DIDO1: variants seen among roughly 807,000 people sequenced by gnomAD.
DIDO1 encodes the protein death-inducer obliterator 1.
A neutral mutation model predicts 99.4 loss-of-function variants in DIDO1; 16 were observed. The observed-to-expected ratio is 0.16, with a 90% CI of 0.11 to 0.24. The LOEUF (loss-of-function observed/expected upper bound fraction) is 0.24. Among genes scored for constraint, DIDO1 ranks in the 10% least tolerant of loss-of-function variants. DIDO1 has a pLI of 1.00. For synonymous variants in DIDO1, 1,366 were observed against 1,239.1 expected, an observed-to-expected ratio of 1.10 and a Z score of -2.15; for missense variants, 2,996 against 3,014.0, an observed-to-expected ratio of 0.99 and a Z score of 0.14.
chr20:62,879,382 ACCGGTCCCGGTCGCGCCT>A lies in DIDO1; in HGVS notation c.6556_6573del (p.Arg2186_Arg2191del), dbSNP rs1195385320. The A allele has an allele frequency of 3.2e-6, 5 of 1,540,998 alleles. No individual in the cohort carries two copies. The highest frequency in any genetic ancestry group is 3.5e-6 in the Non-Finnish European group (4 of 1,146,610). On this transcript the variant is annotated inframe_deletion, in exon 16 of 16. Transcript: ENST00000395343. The surrounding 1 kb of genome is among the most constrained non-coding windows in gnomAD (Gnocchi z 6.3). ...TCTCGGTCCCGCTCTCTGCTCCGGG[ACCGGTCCCGGTCGCGCCT>A]CCGGTCTCGCTCGCGCTCTCGGTTC...
intron 15 of DIDO1, among the ~76,000 whole-genome samples, chr20:62,884,176 C>G (rs899325072): frequency 2.7e-5 from 4 of 150,218 alleles, no homozygotes; most frequent in Admixed American, 6.8e-5. Context: ...ACGACGCGCA[C>G]TGGGGGTTTT....
chr20:62,929,693 G>GTATATATATATATA (rs565069048), upstream of DIDO1, among the ~76,000 whole-genome samples: 1,101 of 97,820 alleles, frequency 0.011, 138 homozygotes, highest in Middle Eastern at 0.023. Flanking sequence ...AAAAGAAAAA[G>GTATATATATATATA]TGTATATATA....
At chr20:62,914,516 T>C (rs566923462) in intron 1 of DIDO1, 110 bp from the exon 2 acceptor site, 2 of 152,366 alleles carry the variant, frequency 1.3e-5, no homozygotes, top group South Asian at 4.1e-4. Flanking sequence ...AGTGATACTG[T>C]GTGACCCACA....
chr20:62,923,537 G>C (rs1449760514), intron 1 of DIDO1, among the ~76,000 whole-genome samples: 1 of 152,184 alleles, frequency 6.6e-6, no homozygotes, highest in African/African-American at 2.4e-5. Context: ...CCTGGCACCT[G>C]AGTGAGAGCC....
chr20:62,929,692 A>AAAAAAAAAAT, upstream of DIDO1, among the ~76,000 whole-genome samples: 1 of 63,710 alleles, frequency 1.6e-5, no homozygotes, highest in African/African-American at 7.6e-5. Context: ...AAAAAGAAAA[A>AAAAAAAAAAT]GTGTATATAT....
In DIDO1 at chr20:62,879,597, C is replaced by A. The variant is rs370073797; in HGVS notation, c.6359G>T (p.Gly2120Val). 30 of 1,602,406 alleles carry A rather than the reference C, an allele frequency of 1.9e-5. No homozygotes were observed. Among genetic ancestry groups the A allele is most frequent in the Non-Finnish European group, 2.5e-5 (30 of 1,179,334 alleles). ...SEDRRRERER[G>V]RNWSRERDWD... ...GTCCCGCTCTCGGCTCCAGTTTCGG[C>A]CGCGCTCGCGCTCTCTCCTCCTGTC... Residue 2120 changes from glycine (G) to valine (V), a missense_variant, in exon 16 of 16, where the codon GGC becomes GTC. Transcript: ENST00000395343. The surrounding 1 kb of genome is among the most constrained non-coding windows in gnomAD (Gnocchi z 6.3).
At chr20:62,892,110 A>C (rs1267479084) in intron 13 of DIDO1, 34 bp from the exon 14 acceptor site, 1 of 1,585,204 alleles carries the variant, frequency 6.3e-7, no homozygotes, top group East Asian at 2.2e-5. Context: ...AATCACTTTG[A>C]ACTGTAGTAG....
At position 62,881,305 on chromosome 20, in the gene DIDO1, CG is replaced by C; in HGVS notation, c.4650del (p.Ala1551ProfsTer313). ...TCCCTGTGGTTTGACGCCTGGCTGG[CG>C]GGGGGCAGTGAGGCGGGCTTGTCTG... ...QSADKPASLP[P>X]ASQASNHRDP... On this transcript the variant is annotated frameshift_variant, in exon 16 of 16. Transcript: ENST00000395343. LOFTEE classifies it low-confidence loss of function (END_TRUNC). This position sits in a 1 kb window ranked among gnomAD's most constrained non-coding sequence, Gnocchi z 8.3. 2 of 1,604,714 alleles carry C rather than the reference CG, an allele frequency of 1.2e-6. No individual in the cohort carries two copies.
At chr20:62,914,140 A>G (rs149366204) in intron 2 of DIDO1, 70 bp downstream of exon 2, 3 of 152,358 alleles carry the variant, frequency 2.0e-5, no homozygotes, top group African/African-American at 7.2e-5. Flanking sequence ...TACAAATGCC[A>G]CTTTATAAAT....
chr20:62,920,552 T>A (rs948291198), intron 1 of DIDO1, among the ~76,000 whole-genome samples: 1 of 152,248 alleles, frequency 6.6e-6, no homozygotes, highest in Admixed American at 6.5e-5. Context: ...ACACAGCTTA[T>A]CTTCCTAAAA....
intron 6 of DIDO1, among the ~76,000 whole-genome samples, chr20:62,903,307 C>T (rs2064725255): frequency 6.6e-6 from 1 of 152,212 alleles, no homozygotes; most frequent in Non-Finnish European, 1.5e-5. Context: ...CCCAGGTCAA[C>T]CGAGTGCCAT....
chr20:62,897,599 C>T (rs2064565892), intron 6 of DIDO1, among the ~76,000 whole-genome samples: 1 of 152,190 alleles, frequency 6.6e-6, no homozygotes, highest in African/African-American at 2.4e-5. Context: ...GAGAACGCAG[C>T]AATGCTGTTA....
At chr20:62,899,728 G>A (rs1488562717) in intron 6 of DIDO1, among the ~76,000 whole-genome samples, 1 of 152,206 alleles carries the variant, frequency 6.6e-6, no homozygotes, top group Non-Finnish European at 1.5e-5. Context: ...GCATGGAAAT[G>A]GGCAGTCAGG....
intron 1 of DIDO1, among the ~76,000 whole-genome samples, chr20:62,925,999 G>A (rs568472426): frequency 1.9e-3 from 283 of 152,196 alleles, no homozygotes; most frequent in African/African-American, 6.5e-3. Context: ...GGGAGGAAGC[G>A]CCGAGGTCCC....
At chr20:62,889,756 A>C (rs1191541338) in intron 15 of DIDO1, 15 of 985,272 alleles carry the variant, frequency 1.5e-5, no homozygotes, top group Non-Finnish European at 1.8e-5. Flanking sequence ...TCTTTATCCC[A>C]AGTAGGATTT....
chr20:62,927,872 T>G (rs1310013084), upstream of DIDO1, among the ~76,000 whole-genome samples: 2 of 152,220 alleles, frequency 1.3e-5, no homozygotes, highest in African/African-American at 4.8e-5. Context: ...CTTGACAGTC[T>G]TCCATCTTGA....
At chr20:62,893,557 G>C (rs959170196) in intron 12 of DIDO1, 109 bp downstream of exon 12, 2 of 1,294,564 alleles carry the variant, frequency 1.5e-6, no homozygotes, top group Non-Finnish European at 2.1e-6. Flanking sequence ...GAGTGAAGCT[G>C]TATTTCAGGT....
chr20:62,907,736 T>G (rs1235907379), intron 4 of DIDO1, among the ~76,000 whole-genome samples: 2 of 152,188 alleles, frequency 1.3e-5, no homozygotes, highest in African/African-American at 2.4e-5. Context: ...CTGGGATGAC[T>G]GCAAGTCAAA....
Position 62,911,360 on chromosome 20 carries a change from C to G in DIDO1, c.253G>C (p.Gly85Arg). The G allele has an allele frequency of 6.2e-7, 1 of 1,610,206 alleles. No individual in the cohort carries two copies. Among genetic ancestry groups the G allele is most frequent in the Non-Finnish European group, 8.5e-7 (1 of 1,179,984 alleles). The change falls in exon 3 of 16, where the codon GGC becomes CGC. Residue 85 changes from glycine to arginine, a missense_variant. Gly to Arg is a moderately radical substitution (Grantham distance 125). Coordinates refer to ENST00000395343, the MANE Select transcript of DIDO1 (RefSeq NM_001193369.2). The surrounding 1 kb of genome is among the most constrained non-coding windows in gnomAD (Gnocchi z 7.0). ...AGGGAGACAGGCATGCTCCTCCTGC[C>G]GCGGCGCCGCGCAATGGTCAGGAAC... ...EQFLTIARRR[G>R]RRSMPVSLED... is the part of the protein sequence containing the mutation.
Sources: allele counts gnomAD v4.1 joint callset (sites outside exome capture counted in the v4.1 genomes callset), GRCh38; gene constraint gnomAD v4.1.1; non-coding constraint Gnocchi (gnomAD v3.1); transcripts MANE v1.5; gene names NCBI Gene and HGNC (gene_info 2026-07-23, HGNC 2026-07-21).